Variants in TPD52L1 observed in about 807,000 individuals in gnomAD.
TPD52L1 encodes tumor protein D53.
TPD52L1 carries 18 observed loss-of-function variants against 28.7 expected under a neutral mutation model. That is an observed-to-expected ratio of 0.63 (90% confidence interval 0.43 to 0.93). The LOEUF (loss-of-function observed/expected upper bound fraction) is 0.93, where lower values mean the gene tolerates loss of function less well. Among genes scored for constraint, TPD52L1 ranks in the 40% least tolerant of loss-of-function variants. The probability of loss-of-function intolerance (pLI) is 0.00; values close to 1 mark genes in which losing one functional copy is unlikely to be tolerated. For synonymous variants in TPD52L1, 75 were observed against 88.8 expected (o/e 0.84, Z 0.88); for missense variants, 203 against 254.8 (o/e 0.80, Z 1.39).
At chr6:125,186,960 G>C (rs1188643166) in intron 1 of TPD52L1, among the ~76,000 whole-genome samples, 1 of 152,000 alleles carries the variant, frequency 6.6e-6, no homozygotes, top group Non-Finnish European at 1.5e-5. Flanking sequence ...GAAAAAAATA[G>C]GCATTTTATC....
At chr6:125,260,838 AAGAGAAAGAAAGTG>A (rs1395213438) in intron 6 of TPD52L1, among the ~76,000 whole-genome samples, 18 of 143,650 alleles carry the variant, frequency 1.3e-4, no homozygotes, top group Admixed American at 4.3e-4. Flanking sequence ...GGAAGAAAGG[AAGAGAAAGAAAGTG>A]AGAGAGAGAA....
At chr6:125,233,437 A>C (rs1401347586) in intron 3 of TPD52L1, among the ~76,000 whole-genome samples, 2 of 152,158 alleles carry the variant, frequency 1.3e-5, no homozygotes, top group African/African-American at 4.8e-5. Flanking sequence ...GTGCCAGTGA[A>C]GATTAAAGAC....
At chr6:125,203,364 G>C (rs1793917165) in intron 1 of TPD52L1, among the ~76,000 whole-genome samples, 1 of 151,970 alleles carries the variant, frequency 6.6e-6, no homozygotes, top group South Asian at 2.1e-4. Context: ...GTGTTCTTGT[G>C]ACTTTTTGTC....
chr6:125,257,619 T>G (rs1454336470), intron 6 of TPD52L1, among the ~76,000 whole-genome samples: 1 of 152,202 alleles, frequency 6.6e-6, no homozygotes, highest in Non-Finnish European at 1.5e-5. Context: ...ATTCAGGTAC[T>G]GAGCACAGCA....
At chr6:125,212,754 A>G (rs1481729728) in intron 1 of TPD52L1, among the ~76,000 whole-genome samples, 1 of 152,228 alleles carries the variant, frequency 6.6e-6, no homozygotes, top group African/African-American at 2.4e-5. Context: ...CTGGGAGCAG[A>G]CCACAGTGAA....
rs143365967 is a variant in TPD52L1, at chr6:125,234,094, T to C, written c.284+4828T>C. ...ACATGTACTCAACACCAAACATCTCTCAGTAAACAGTCTTAAAGGACTTAA... is the reference window on the plus strand; with the variant it reads ...ACATGTACTCAACACCAAACATCTCCCAGTAAACAGTCTTAAAGGACTTAA... On this transcript the variant is annotated intron_variant, in intron 3 of 6. Transcript: ENST00000534000. Among the ~76,000 whole-genome samples the C allele has an allele frequency of 1.8e-3, 271 of 152,314 alleles. 1 individual carries two copies. The highest frequency in any genetic ancestry group is 6.2e-3 in the African/African-American group (258 of 41,548).
At chr6:125,237,186 G>A (rs891581074) in intron 3 of TPD52L1, among the ~76,000 whole-genome samples, 1 of 152,140 alleles carries the variant, frequency 6.6e-6, no homozygotes, top group African/African-American at 2.4e-5. Flanking sequence ...AGTATTATGA[G>A]GAGATAGTGC....
At chr6:125,236,330 C>T (rs1582989114) in intron 3 of TPD52L1, among the ~76,000 whole-genome samples, 1 of 151,946 alleles carries the variant, frequency 6.6e-6, no homozygotes, top group African/African-American at 2.4e-5. Flanking sequence ...ATATTAATAC[C>T]ACACTAAAGT....
chr6:125,195,230 G>A (rs1389308530), intron 1 of TPD52L1, among the ~76,000 whole-genome samples: 1 of 152,164 alleles, frequency 6.6e-6, no homozygotes, highest in Non-Finnish European at 1.5e-5. Context: ...ATGGCAGCAG[G>A]TTTTTGTCCC....
intron 1 of TPD52L1, among the ~76,000 whole-genome samples, chr6:125,158,770 G>A (rs909796493): frequency 6.6e-6 from 1 of 152,210 alleles, no homozygotes; most frequent in African/African-American, 2.4e-5. Flanking sequence ...GGCATACCTT[G>A]GAGATAGTGT....
At chr6:125,205,328 A>G (rs956616969) in intron 1 of TPD52L1, among the ~76,000 whole-genome samples, 1 of 152,154 alleles carries the variant, frequency 6.6e-6, no homozygotes, top group African/African-American at 2.4e-5. Flanking sequence ...TAATGCAGGG[A>G]CATTTTCTGT....
intron 1 of TPD52L1, among the ~76,000 whole-genome samples, chr6:125,199,596 A>G (rs1046620340): frequency 6.6e-6 from 1 of 152,184 alleles, no homozygotes; most frequent in African/African-American, 2.4e-5. Context: ...GAGGCTGGAG[A>G]ATCACTTGAA....
intron 1 of TPD52L1, among the ~76,000 whole-genome samples, chr6:125,172,168 T>TC (rs1485485234): frequency 8.6e-6 from 1 of 116,192 alleles, no homozygotes; most frequent in Non-Finnish European, 1.8e-5. Context: ...TTTCTTTCTT[T>TC]CTTTCTTTCT....
chr6:125,260,347 T>A (rs1052881286), intron 6 of TPD52L1: 1 of 152,198 alleles, frequency 6.6e-6, no homozygotes, highest in Non-Finnish European at 1.5e-5. Context: ...CTGCCAGAGG[T>A]CCACAAACTA....
intron 3 of TPD52L1, among the ~76,000 whole-genome samples, chr6:125,233,456 A>G (rs958723389): frequency 6.6e-6 from 1 of 152,158 alleles, no homozygotes; most frequent in African/African-American, 2.4e-5. Context: ...ACCTAATTTT[A>G]AAAGATGTAC....
At chr6:125,191,051 T>C (rs1218596267) in intron 1 of TPD52L1, among the ~76,000 whole-genome samples, 1 of 152,236 alleles carries the variant, frequency 6.6e-6, no homozygotes, top group Non-Finnish European at 1.5e-5. Context: ...CTATAGTGAT[T>C]TGTATATCGT....
chr6:125,198,461 A>T (rs1005934286), intron 1 of TPD52L1, among the ~76,000 whole-genome samples: 4 of 152,128 alleles, frequency 2.6e-5, no homozygotes, highest in Non-Finnish European at 4.4e-5. Flanking sequence ...GGTAAGAGAG[A>T]TCTATTTACA....
chr6:125,165,957 A>G (rs1364042636), intron 1 of TPD52L1, among the ~76,000 whole-genome samples: 3 of 152,214 alleles, frequency 2.0e-5, no homozygotes, highest in Non-Finnish European at 4.4e-5. Flanking sequence ...AATAAGTCAT[A>G]GGATCTGCGT....
In TPD52L1 at chr6:125,217,643, G is replaced by A. The variant is rs537208037; in HGVS notation, c.20-2435G>A. Among the ~76,000 whole-genome samples, 18 of 152,266 alleles carry A rather than the reference G, an allele frequency of 1.2e-4. No homozygotes were observed. The East Asian group carries it at 3.5e-3, about 29-fold the overall frequency. ...CGTGGTGTGATCTGGTTCCTAACAG[G>A]TAACAGACCGGTACTGGTCCATGGC... On this transcript the variant is annotated intron_variant, in intron 1 of 6. Transcript: ENST00000534000.
Sources: gnomAD v4.1 joint callset for allele counts (sites outside exome capture counted in the v4.1 genomes callset) on GRCh38, gnomAD v4.1.1 for gene constraint, MANE v1.5 for transcripts, NCBI Gene and HGNC (gene_info 2026-07-23, HGNC 2026-07-21) for gene names.